Variants in SPRR1A observed in about 807,000 individuals in gnomAD.
The protein encoded by SPRR1A is small proline rich protein 1A.
For synonymous variants in SPRR1A, 40 were observed against 39.2 expected (o/e 1.02, Z -0.07); for missense variants, 123 against 105.4 (o/e 1.17, Z -0.73).
In SPRR1A at chr1:152,985,420, C is replaced by A. The variant is rs199524880; in HGVS notation, c.190C>A (p.Pro64Thr). 5 of 1,582,016 alleles carry A rather than the reference C, an allele frequency of 3.2e-6. No homozygotes were observed. The highest frequency in any genetic ancestry group is 3.5e-6 in the Non-Finnish European group (4 of 1,154,400). ...GCCCTGCCAGCCCAAGGTTCCAGAG[C>A]CCTGCCAGCCCAAGGTGCCTGAGCC... The change falls in exon 1 of 1, where the codon CCC becomes ACC. Residue 64 changes from proline to threonine, a missense_variant. Pro to Thr is a conservative substitution (Grantham distance 38). Coordinates refer to ENST00000368762, the Ensembl canonical transcript of SPRR1A.
upstream of SPRR1A, among the ~76,000 whole-genome samples, chr1:152,984,566 C>T (rs1652251518): frequency 6.6e-6 from 1 of 152,064 alleles, no homozygotes; most frequent in South Asian, 2.1e-4. Flanking sequence ...AAACATAAAA[C>T]CTAGCAGGAA....
At chr1:152,985,337 A>G in exon 1 of SPRR1A, 1 of 1,613,660 alleles carries the variant, frequency 6.2e-7, no homozygotes, top group Non-Finnish European at 8.5e-7. Context: ...TGCATCCCCA[A>G]AACCAAGGAG....
chr1:152,984,211 G>T (rs184289352), upstream of SPRR1A, among the ~76,000 whole-genome samples: 206 of 152,278 alleles, frequency 1.4e-3, 1 homozygote, highest in Middle Eastern at 6.8e-3. Context: ...GTGTAAGCAG[G>T]TTAATCCAGG....
chr1:152,985,297 C>T lies in SPRR1A; in HGVS notation c.67C>T (p.Gln23Ter). The change falls in exon 1 of 1, where the codon CAA (glutamine) becomes TAA (stop). Residue 23 changes from glutamine to a stop codon, truncating the protein, a stop_gained. Coordinates refer to ENST00000368762, the Ensembl canonical transcript of SPRR1A. LOFTEE classifies it low-confidence loss of function (END_TRUNC). ...TCAGCCTCAGCAGCAGCAGGTGAAA[C>T]AACCTTGCCAGCCTCCACCCCAGGA... is the stretch of plus-strand genomic sequence containing the variant. 1 of 1,613,922 alleles carries T rather than the reference C, an allele frequency of 6.2e-7. No individual in the cohort carries two copies. The highest frequency in any genetic ancestry group is 1.3e-5 in the African/African-American group (1 of 74,966).
upstream of SPRR1A, among the ~76,000 whole-genome samples, chr1:152,984,559 CAT>C (rs1014685073): frequency 1.1e-4 from 17 of 152,230 alleles, no homozygotes; most frequent in African/African-American, 3.6e-4. Context: ...ACTTAACAAA[CAT>C]AAAACCTAGC....
chr1:152,985,754 T>C (rs564882101), downstream of SPRR1A, among the ~76,000 whole-genome samples: 1 of 152,272 alleles, frequency 6.6e-6, no homozygotes, highest in East Asian at 1.9e-4. Flanking sequence ...TGAGGATGGA[T>C]TTGGGGAAGG....
chr1:152,985,529 C>T (rs200915905), downstream of SPRR1A: 26 of 1,592,752 alleles, frequency 1.6e-5, no homozygotes, highest in Non-Finnish European at 2.1e-5. Flanking sequence ...CCTTGAGGAG[C>T]TGGCCACTGG....
chr1:152,985,217 A>G (rs758005273), upstream of SPRR1A: 8 of 1,580,962 alleles, frequency 5.1e-6, no homozygotes, highest in Admixed American at 1.5e-4. Context: ...TCTAGAAAAA[A>G]ACACATTTGA....
At chr1:152,985,185 A>G (rs778648528), upstream of SPRR1A, 26 of 1,545,088 alleles carry the variant, frequency 1.7e-5, no homozygotes, top group Middle Eastern at 5.3e-4. Context: ...CTTTAATTGA[A>G]TCACTGTGTC....
At chr1:152,985,211 G>T (rs1357233414), upstream of SPRR1A, 2 of 1,576,540 alleles carry the variant, frequency 1.3e-6, no homozygotes, top group African/African-American at 2.7e-5. Context: ...TCTGTCTCTA[G>T]AAAAAAACAC....
At chr1:152,985,197 GCTTT>G, upstream of SPRR1A, 1 of 1,562,730 alleles carries the variant, frequency 6.4e-7, no homozygotes, top group South Asian at 1.2e-5. Context: ...CACTGTGTCA[GCTTT>G]CTGTCTCTAG....
At position 152,985,364 on chromosome 1, in the gene SPRR1A, T is replaced by C. The variant is rs765100982; in HGVS notation, c.134T>C (p.Val45Ala). 4.5e-6 allele frequency: 7 copies of C among 1,560,808 alleles called. No individual in the cohort carries two copies. The Admixed American group carries it at 5.1e-5, about 11-fold the overall frequency. ...ACCAAGGAGCCCTGCCACCCCAAGG[T>C]GCCTGAGCCCTGCCACCCCAAAGTG... The change falls in exon 1 of 1, where the codon GTG (valine) becomes GCG (alanine). Residue 45 changes from valine to alanine, a missense_variant. Transcript: ENST00000368762.
chr1:152,985,646 A>C, downstream of SPRR1A: 1 of 1,383,012 alleles, frequency 7.2e-7, no homozygotes, highest in South Asian at 1.5e-5. Flanking sequence ...CACCTCTAAA[A>C]AGATGTCCCT....
chr1:152,985,574 C>T (rs868598359), downstream of SPRR1A: 1 of 1,535,112 alleles, frequency 6.5e-7, no homozygotes, highest in South Asian at 1.3e-5. Flanking sequence ...GCTTATGAAT[C>T]CCATTTGCCT....
upstream of SPRR1A, among the ~76,000 whole-genome samples, chr1:152,984,737 G>A (rs565819431): frequency 1.5e-4 from 23 of 152,134 alleles, no homozygotes; most frequent in South Asian, 4.8e-3. Context: ...ATTTGGACAA[G>A]CAGAGATGGG....
chr1:152,985,152 G>T (rs1611761), upstream of SPRR1A: 1 of 1,520,396 alleles, frequency 6.6e-7, no homozygotes, highest in Non-Finnish European at 8.8e-7. Context: ...AATCTGTTTG[G>T]CATTGAATTT....
At chr1:152,985,159 A>G (rs1652267242), upstream of SPRR1A, 2 of 1,528,896 alleles carry the variant, frequency 1.3e-6, no homozygotes, top group South Asian at 1.3e-5. Context: ...TTGGCATTGA[A>G]TTTGTATCCA....
At chr1:152,984,296 T>C (rs1157483052), upstream of SPRR1A, among the ~76,000 whole-genome samples, 3 of 152,094 alleles carry the variant, frequency 2.0e-5, no homozygotes, top group Non-Finnish European at 2.9e-5. Flanking sequence ...GAAAGGACCT[T>C]AGAGATGGTT....
rs774846454 is a variant in SPRR1A, at chr1:152,985,345, G to A, written c.115G>A (p.Glu39Lys). The A allele has an allele frequency of 4.4e-6, 7 of 1,597,804 alleles. No individual in the cohort carries two copies. In the South Asian group the frequency reaches 7.7e-5, roughly 18 times the overall value. Residue 39 changes from glutamate to lysine, a missense_variant, in exon 1 of 1, where the codon GAG becomes AAG. By Grantham distance (56) the Glu-to-Lys change is moderately conservative (BLOSUM62 1). Coordinates refer to ENST00000368762, the Ensembl canonical transcript of SPRR1A. ...GGAACCATGCATCCCCAAAACCAAG[G>A]AGCCCTGCCACCCCAAGGTGCCTGA...
Sources: allele counts gnomAD v4.1 joint callset (sites outside exome capture counted in the v4.1 genomes callset), GRCh38; gene constraint gnomAD v4.1.1; transcripts MANE v1.5; gene names NCBI Gene and HGNC (gene_info 2026-07-23, HGNC 2026-07-21).